The following CCSER1 variants were observed in gnomAD, a reference collection of about 807,000 sequenced individuals.
The protein encoded by CCSER1 is coiled-coil serine rich protein 1, also known as serine-rich coiled-coil domain-containing protein 1.
CCSER1 carries 41 observed loss-of-function variants against 82.0 expected under a neutral mutation model. The observed-to-expected ratio is 0.50, with a 90% CI of 0.39 to 0.65. CCSER1 has a LOEUF of 0.65. Ranked by LOEUF, CCSER1 falls within the 30% of genes least tolerant of loss-of-function variation. CCSER1 has a pLI of 0.00. For synonymous variants in CCSER1, 414 were observed against 383.9 expected, an observed-to-expected ratio of 1.08 and a Z score of -0.92; for missense variants, 1,119 against 1,064.2, an observed-to-expected ratio of 1.05 and a Z score of -0.72.
At chr4:90,326,418 C>G (rs1198074619) in intron 3 of CCSER1, among the ~76,000 whole-genome samples, 2 of 151,916 alleles carry the variant, frequency 1.3e-5, no homozygotes, top group African/African-American at 4.8e-5. Context: ...ATTTTTATCA[C>G]TTTTATAATC....
chr4:90,730,130 G>A (rs62312975), intron 7 of CCSER1, among the ~76,000 whole-genome samples: 1 of 152,142 alleles, frequency 6.6e-6, no homozygotes, highest in Non-Finnish European at 1.5e-5. Context: ...AACATAGTGA[G>A]TAGTTTCGAT....
chr4:90,892,435 C>T (rs2150118198), intron 8 of CCSER1, among the ~76,000 whole-genome samples: 1 of 152,088 alleles, frequency 6.6e-6, no homozygotes, highest in African/African-American at 2.4e-5. Flanking sequence ...ATTAGCATTA[C>T]TACTCCAGCT....
intron 10 of CCSER1, among the ~76,000 whole-genome samples, chr4:91,206,778 T>A (rs1415011898): frequency 6.6e-6 from 1 of 151,860 alleles, no homozygotes; most frequent in Non-Finnish European, 1.5e-5. Flanking sequence ...CTGTCCTGTT[T>A]CACAAGAGAT....
chr4:91,053,905 A>C (rs1743213833), intron 9 of CCSER1, among the ~76,000 whole-genome samples: 1 of 152,212 alleles, frequency 6.6e-6, no homozygotes, highest in Non-Finnish European at 1.5e-5. Flanking sequence ...TTCTTGCAGC[A>C]TGAATGTGCT....
At chr4:90,736,904 A>G (rs900931996) in intron 7 of CCSER1, among the ~76,000 whole-genome samples, 3 of 152,044 alleles carry the variant, frequency 2.0e-5, no homozygotes, top group Non-Finnish European at 4.4e-5. Context: ...GCAAGTAACA[A>G]CTTATAACCC....
intron 10 of CCSER1, among the ~76,000 whole-genome samples, chr4:91,169,177 C>T (rs1276505252): frequency 2.1e-5 from 3 of 140,896 alleles, no homozygotes; most frequent in Non-Finnish European, 3.1e-5. Context: ...CTCCGAGAAA[C>T]ACCCAAGAAT....
chr4:91,179,856 G>A (rs1166489474), intron 10 of CCSER1, among the ~76,000 whole-genome samples: 1 of 152,224 alleles, frequency 6.6e-6, no homozygotes, highest in Admixed American at 6.5e-5. Flanking sequence ...CTGGCGAGGA[G>A]CTACATTCCT....
intron 6 of CCSER1, among the ~76,000 whole-genome samples, chr4:90,704,661 C>G (rs925416611): frequency 6.6e-6 from 1 of 152,166 alleles, no homozygotes; most frequent in African/African-American, 2.4e-5. Flanking sequence ...TTCTTGGAGG[C>G]TTTGTTCATT....
rs1183574210 is a variant in CCSER1 at position 91,442,450 on chromosome 4, A to G, written c.2218-156122A>G. ...AAAGCTGAAACTGGATGCCTTCCTT[A>G]CACCTTATACAAAAATTAATTCAAG... On this transcript the variant is annotated intron_variant, in intron 10 of 10. Coordinates refer to ENST00000509176, the MANE Select transcript of CCSER1 (RefSeq NM_001145065.2). 2.8e-5 allele frequency among the ~76,000 whole-genome samples: 4 copies of G among 141,892 alleles called. No individual in the cohort carries two copies. The Admixed American group carries it at 2.9e-4, about 10-fold the overall frequency. The allele number at this position is 141,892 out of a possible 152,430, so 93.1% of individuals were successfully genotyped here.
intron 1 of CCSER1, among the ~76,000 whole-genome samples, chr4:90,208,942 C>T (rs1233393532): frequency 7.9e-5 from 12 of 152,124 alleles, no homozygotes; most frequent in South Asian, 4.2e-4. Flanking sequence ...CGGAGCCGTT[C>T]GTATTTGGCC....
chr4:91,589,574 CT>C (rs11411865), intron 10 of CCSER1, among the ~76,000 whole-genome samples: 14,729 of 144,550 alleles, frequency 0.1, 731 homozygotes, highest in Middle Eastern at 0.17. Flanking sequence ...ACAAGAGGCT[CT>C]TTTTTTTTTT....
intron 2 of CCSER1, among the ~76,000 whole-genome samples, chr4:90,310,661 G>A (rs141560025): frequency 1.2e-4 from 19 of 152,174 alleles, no homozygotes; most frequent in African/African-American, 3.6e-4. Flanking sequence ...GTGAAAACAG[G>A]CTAAAGAATC....
At chr4:90,623,218 T>G (rs1298384093) in intron 5 of CCSER1, among the ~76,000 whole-genome samples, 1 of 151,838 alleles carries the variant, frequency 6.6e-6, no homozygotes, top group East Asian at 1.9e-4. Context: ...GTATTTTTAG[T>G]AGAGACAGGG....
chr4:91,478,455 G>GT (rs1757713397), intron 10 of CCSER1, among the ~76,000 whole-genome samples: 2 of 151,754 alleles, frequency 1.3e-5, no homozygotes, highest in African/African-American at 4.8e-5. Context: ...TAAAAACTAA[G>GT]TTGAATACTT....
In CCSER1 at chr4:90,400,024, A is replaced by G; in HGVS notation, c.1510-12A>G. On this transcript the variant is annotated splice_polypyrimidine_tract_variant and intron_variant, in intron 3 of 10. Transcript: ENST00000509176. Reference sequence around the variant, plus strand: ...TTTTGGTTTCTAATTGTTGGTTTTGATTTTTCTTCAGGATGTTTTGAATAA... The same window carrying G: ...TTTTGGTTTCTAATTGTTGGTTTTGGTTTTTCTTCAGGATGTTTTGAATAA... The G allele has an allele frequency of 6.5e-7, 1 of 1,547,120 alleles. No individual in the cohort carries two copies.
intron 1 of CCSER1, among the ~76,000 whole-genome samples, chr4:90,170,648 C>G (rs1731487309): frequency 6.6e-6 from 1 of 151,744 alleles, no homozygotes; most frequent in Non-Finnish European, 1.5e-5. Flanking sequence ...TGGCTTATTT[C>G]ATTTAACATA....
At chr4:90,836,417 G>T (rs1363451314) in intron 8 of CCSER1, among the ~76,000 whole-genome samples, 2 of 152,022 alleles carry the variant, frequency 1.3e-5, no homozygotes, top group African/African-American at 4.8e-5. Flanking sequence ...CACAAGCTTT[G>T]CTTTGAGAGT....
chr4:91,389,657 A>C (rs1015987917), intron 10 of CCSER1, among the ~76,000 whole-genome samples: 1 of 151,910 alleles, frequency 6.6e-6, no homozygotes, highest in Non-Finnish European at 1.5e-5. Context: ...TTGAATCTGT[A>C]GTTCAGGTTA....
chr4:90,325,624 A>G (rs1295902799), intron 3 of CCSER1: 1 of 449,452 alleles, frequency 2.2e-6, no homozygotes, highest in Non-Finnish European at 4.5e-6. Flanking sequence ...GACCATCTGA[A>G]TAGATGCTTC....
Sources: gnomAD v4.1 joint callset for allele counts (sites outside exome capture counted in the v4.1 genomes callset) on GRCh38, gnomAD v4.1.1 for gene constraint, MANE v1.5 for transcripts, NCBI Gene and HGNC (gene_info 2026-07-23, HGNC 2026-07-21) for gene names.